The following NME7 variants were observed in gnomAD, a reference collection of about 807,000 sequenced individuals.
NME7 encodes the protein nucleoside diphosphate kinase 7.
In NME7, 41 loss-of-function variants were observed where a neutral mutation model predicts 49.1. The observed-to-expected ratio is 0.83, with a 90% CI of 0.65 to 1.08. The LOEUF (loss-of-function observed/expected upper bound fraction) is 1.08. Ranked by LOEUF, NME7 falls within the 50% of genes least tolerant of loss-of-function variation. NME7 has a pLI of 0.00. For missense variants in NME7, 423 were observed against 463.4 expected (o/e 0.91, Z 0.80); for synonymous variants, 139 against 150.6 (o/e 0.92, Z 0.56).
intron 10 of NME7, among the ~76,000 whole-genome samples, chr1:169,173,687 C>A (rs1659668590): frequency 6.6e-6 from 1 of 151,974 alleles, no homozygotes; most frequent in African/African-American, 2.4e-5. Context: ...GAAATAATAA[C>A]AGCACTTCCC....
At chr1:169,177,982 G>A (rs1364778777) in intron 10 of NME7, among the ~76,000 whole-genome samples, 3 of 151,822 alleles carry the variant, frequency 2.0e-5, no homozygotes, top group Non-Finnish European at 4.4e-5. Flanking sequence ...GACTACAGGC[G>A]CCCGCCACCA....
At chr1:169,224,484 T>G (rs1237332842) in intron 10 of NME7, among the ~76,000 whole-genome samples, 1 of 152,116 alleles carries the variant, frequency 6.6e-6, no homozygotes, top group African/African-American at 2.4e-5. Flanking sequence ...GTTTAATAGA[T>G]TTTGGATATT....
chr1:169,350,731 A>G (rs1233420710), intron 1 of NME7, among the ~76,000 whole-genome samples: 1 of 152,168 alleles, frequency 6.6e-6, no homozygotes. Flanking sequence ...AAGTGATGTG[A>G]GCACTTACTG....
intron 1 of NME7, among the ~76,000 whole-genome samples, chr1:169,332,288 C>T (rs555457748): frequency 3.7e-4 from 56 of 152,018 alleles, no homozygotes; most frequent in Non-Finnish European, 5.3e-4. Context: ...GAAACTAGAC[C>T]CCCTATCTCC....
intron 3 of NME7, among the ~76,000 whole-genome samples, chr1:169,315,609 A>G (rs570122309): frequency 2.0e-5 from 3 of 152,286 alleles, no homozygotes; most frequent in East Asian, 3.9e-4. Flanking sequence ...ATAATTGACT[A>G]TTCTAAGCCA....
At chr1:169,302,644 AAACT>A (rs1218505103) in intron 5 of NME7, among the ~76,000 whole-genome samples, 7 of 152,148 alleles carry the variant, frequency 4.6e-5, no homozygotes, top group African/African-American at 1.7e-4. Flanking sequence ...AAGGGTTGAA[AAACT>A]AACTATTGGG....
At chr1:169,245,765 CA>C (rs1558005161) in intron 7 of NME7, among the ~76,000 whole-genome samples, 1 of 151,716 alleles carries the variant, frequency 6.6e-6, no homozygotes. Flanking sequence ...AAAGACAAAT[CA>C]AAAAACTAGA....
intron 10 of NME7, among the ~76,000 whole-genome samples, chr1:169,203,552 C>T (rs1252802339): frequency 6.6e-6 from 1 of 152,048 alleles, no homozygotes; most frequent in African/African-American, 2.4e-5. Flanking sequence ...TACAATTAGG[C>T]CTTATAAATC....
chr1:169,258,375 C>CAT (rs71121749), intron 7 of NME7, among the ~76,000 whole-genome samples: 3,942 of 86,286 alleles, frequency 0.046, 327 homozygotes, highest in African/African-American at 0.078. Flanking sequence ...TAAAATAAAA[C>CAT]ATATATATAT....
intron 5 of NME7, chr1:169,302,081 A>T (rs1650962866): frequency 6.6e-6 from 1 of 151,486 alleles, no homozygotes; most frequent in African/African-American, 2.4e-5. Flanking sequence ...TTTTTTTTAA[A>T]AAAAAAGTCA....
chr1:169,355,007 T>TATATA (rs1653346396), intron 1 of NME7, among the ~76,000 whole-genome samples: 1 of 30,808 alleles, frequency 3.2e-5, no homozygotes, highest in Non-Finnish European at 9.4e-5. Context: ...ATTATATATG[T>TATATA]TTATATATAA....
chr1:169,217,399 G>C (rs985036185), intron 10 of NME7, among the ~76,000 whole-genome samples: 14 of 152,146 alleles, frequency 9.2e-5, no homozygotes, highest in African/African-American at 3.1e-4. Context: ...AAAGGAAAAA[G>C]ATTATAAAAT....
rs1452612960 is a variant in NME7, at chr1:169,205,838, T to A, written c.990+24880A>T. Among the ~76,000 whole-genome samples the A allele has an allele frequency of 2.6e-5, 4 of 152,298 alleles. No homozygotes were observed. In the South Asian group the frequency reaches 8.3e-4, roughly 32 times the overall value. The stretch of plus-strand genomic sequence containing the variant: ...ATTTTCAGCAGCTTTCCACGCTCTA[T>A]GTGATCTTCTTTCCCATCCTGTATC... On this transcript the variant is annotated intron_variant, in intron 10 of 11. Transcript: ENST00000367811.
chr1:169,294,161 A>G (rs1431503187), intron 6 of NME7, among the ~76,000 whole-genome samples: 2 of 152,188 alleles, frequency 1.3e-5, no homozygotes, highest in Non-Finnish European at 2.9e-5. Flanking sequence ...AAATAATTTC[A>G]TTTAATCCTC....
At chr1:169,151,508 C>T (rs1200675213) in intron 11 of NME7, among the ~76,000 whole-genome samples, 2 of 152,198 alleles carry the variant, frequency 1.3e-5, no homozygotes, top group East Asian at 1.9e-4. Flanking sequence ...GGGTGGCCCT[C>T]GGTGACCCAG....
intron 7 of NME7, among the ~76,000 whole-genome samples, chr1:169,276,989 T>G (rs942977354): frequency 6.6e-6 from 1 of 150,512 alleles, no homozygotes; most frequent in African/African-American, 2.4e-5. Flanking sequence ...TCCATGTAGT[T>G]GAGTGGTTTT....
chr1:169,250,535 C>A lies in NME7; in HGVS notation c.755-12848G>T, dbSNP rs150778606. Among the ~76,000 whole-genome samples, 658 of 151,960 alleles carry A rather than the reference C, an allele frequency of 4.3e-3. 5 individuals carry two copies. Among genetic ancestry groups the A allele is most frequent in the African/African-American group, 0.015 (618 of 41,494 alleles). ...CTGCTAGCTTTGGGTTTAGTTTGTT[C>A]TTTCTCTAGCTCCTTGAGGTATGAT... On this transcript the variant is annotated intron_variant, in intron 7 of 11. Transcript: ENST00000367811.
chr1:169,150,197 T>C (rs988380032), intron 11 of NME7, among the ~76,000 whole-genome samples: 1 of 152,112 alleles, frequency 6.6e-6, no homozygotes, highest in Admixed American at 6.5e-5. Context: ...ATATATATTG[T>C]CTCTAATTTA....
intron 5 of NME7, among the ~76,000 whole-genome samples, chr1:169,301,098 T>C (rs977448530): frequency 9.2e-5 from 14 of 151,998 alleles, no homozygotes; most frequent in African/African-American, 3.1e-4. Flanking sequence ...ACTAAAGAGC[T>C]TCTGCACAGA....
Sources: gnomAD v4.1 joint callset for allele counts (sites outside exome capture counted in the v4.1 genomes callset) on GRCh38, gnomAD v4.1.1 for gene constraint, MANE v1.5 for transcripts, NCBI Gene and HGNC (gene_info 2026-07-23, HGNC 2026-07-21) for gene names.